Variants in SMYD3 observed in about 807,000 individuals in gnomAD.
SMYD3 encodes the protein SET and MYND domain containing 3.
SMYD3 carries 36 observed loss-of-function variants against 57.7 expected under a neutral mutation model. That is an observed-to-expected ratio of 0.62 (90% CI 0.48 to 0.82). The LOEUF is 0.82. Ranked by LOEUF, SMYD3 falls within the 40% of genes least tolerant of loss-of-function variation. The pLI is 0.00. For synonymous variants in SMYD3, 211 were observed against 195.0 expected, an observed-to-expected ratio of 1.08 and a Z score of -0.68; for missense variants, 515 against 538.8, an observed-to-expected ratio of 0.96 and a Z score of 0.44.
Position 246,267,008 on chromosome 1 carries a change from T to C in SMYD3, c.531+60193A>G, listed in dbSNP as rs1405902811. 2.6e-5 allele frequency among the ~76,000 whole-genome samples: 4 copies of C among 152,340 alleles called. No individual in the cohort carries two copies. The East Asian group carries it at 7.7e-4, about 29-fold the overall frequency. ...TTGAGGCAATTTTATTTATGGATAGTTATATCTAGTTTTATAAGCCTGGCA... is the reference window on the plus strand; with the variant it reads ...TTGAGGCAATTTTATTTATGGATAGCTATATCTAGTTTTATAAGCCTGGCA... On this transcript the variant is annotated intron_variant, in intron 5 of 11. Transcript: ENST00000490107.
chr1:246,367,825 C>G (rs906006664), intron 1 of SMYD3, among the ~76,000 whole-genome samples: 4 of 152,110 alleles, frequency 2.6e-5, no homozygotes, highest in Non-Finnish European at 5.9e-5. Flanking sequence ...TGAATATTAG[C>G]ATTGTACCAC....
intron 8 of SMYD3, among the ~76,000 whole-genome samples, chr1:245,901,595 CA>C (rs2054185316): frequency 6.6e-6 from 1 of 152,140 alleles, no homozygotes; most frequent in Admixed American, 6.5e-5. Flanking sequence ...GTTAAAGAAA[CA>C]GAGAGACATC....
intron 11 of SMYD3, among the ~76,000 whole-genome samples, chr1:245,756,982 T>C (rs2045633241): frequency 6.6e-6 from 1 of 152,116 alleles, no homozygotes; most frequent in Non-Finnish European, 1.5e-5. Context: ...TATGGTAAAG[T>C]ACACAAAACA....
At chr1:245,878,440 G>A (rs1468703063) in intron 8 of SMYD3, among the ~76,000 whole-genome samples, 4 of 152,170 alleles carry the variant, frequency 2.6e-5, no homozygotes, top group African/African-American at 4.8e-5. Flanking sequence ...GTGGGGACTC[G>A]GCTTTGGCAA....
At chr1:246,377,165 A>T (rs1005844014) in intron 1 of SMYD3, among the ~76,000 whole-genome samples, 24 of 107,118 alleles carry the variant, frequency 2.2e-4, no homozygotes, top group African/African-American at 7.1e-4. Flanking sequence ...ATATTTTAAT[A>T]AAAAATAACT....
chr1:246,041,566 A>G (rs536672408), intron 5 of SMYD3, among the ~76,000 whole-genome samples: 3 of 152,306 alleles, frequency 2.0e-5, no homozygotes, highest in East Asian at 1.9e-4. Flanking sequence ...CCAGGGCCCT[A>G]CGTCGTATGC....
chr1:246,036,148 A>T (rs1181981016), intron 5 of SMYD3, among the ~76,000 whole-genome samples: 1 of 152,214 alleles, frequency 6.6e-6, no homozygotes, highest in Non-Finnish European at 1.5e-5. Flanking sequence ...TGAAGAGGAG[A>T]CAGGGCTTCC....
chr1:246,386,628 A>T (rs2148761119), intron 1 of SMYD3, among the ~76,000 whole-genome samples: 1 of 141,938 alleles, frequency 7.0e-6, no homozygotes, highest in South Asian at 2.4e-4. Flanking sequence ...CACCTCTGTT[A>T]TCTTTTAATT....
intron 10 of SMYD3, among the ~76,000 whole-genome samples, chr1:245,828,468 A>C (rs1448131965): frequency 1.3e-5 from 2 of 152,158 alleles, no homozygotes; most frequent in African/African-American, 4.8e-5. Flanking sequence ...AGTTAATGAA[A>C]CACTTGAACA....
chr1:246,343,344 A>G (rs2065660853), intron 2 of SMYD3, among the ~76,000 whole-genome samples: 1 of 152,234 alleles, frequency 6.6e-6, no homozygotes, highest in African/African-American at 2.4e-5. Context: ...TATTTCCTCA[A>G]AACAAGTAAT....
At chr1:246,120,071 G>A (rs1327179960) in intron 5 of SMYD3, among the ~76,000 whole-genome samples, 1 of 152,136 alleles carries the variant, frequency 6.6e-6, no homozygotes, top group Non-Finnish European at 1.5e-5. Flanking sequence ...ATTGGACAAT[G>A]GGAATATGAT....
At chr1:246,507,001 C>G (rs547763618) in intron 1 of SMYD3, 53 bp downstream of exon 1, 6 of 1,159,268 alleles carry the variant, frequency 5.2e-6, no homozygotes, top group South Asian at 1.7e-5. Flanking sequence ...CCCCCCCTCC[C>G]CAGCACCCCA....
intron 5 of SMYD3, among the ~76,000 whole-genome samples, chr1:246,142,915 CT>C (rs1390087399): frequency 6.6e-6 from 1 of 152,090 alleles, no homozygotes; most frequent in Admixed American, 6.6e-5. Context: ...CCTTTGGCAG[CT>C]TCTTCATGGA....
chr1:246,067,611 C>A (rs985646829), intron 5 of SMYD3, among the ~76,000 whole-genome samples: 1 of 152,110 alleles, frequency 6.6e-6, no homozygotes, highest in South Asian at 2.1e-4. Flanking sequence ...AATGCCCCCC[C>A]ACAGCCCACA....
intron 5 of SMYD3, among the ~76,000 whole-genome samples, chr1:245,932,996 G>A (rs1243647302): frequency 6.6e-6 from 1 of 152,148 alleles, no homozygotes; most frequent in African/African-American, 2.4e-5. Flanking sequence ...CAACCTGACA[G>A]GAAATATTTT....
chr1:246,358,409 G>A (rs2065938026), intron 1 of SMYD3, among the ~76,000 whole-genome samples: 1 of 152,086 alleles, frequency 6.6e-6, no homozygotes, highest in Admixed American at 6.5e-5. Flanking sequence ...AGGTCATCAA[G>A]ACAGAAAGTC....
intron 5 of SMYD3, among the ~76,000 whole-genome samples, chr1:246,192,145 C>A (rs2062748746): frequency 6.6e-6 from 1 of 152,142 alleles, no homozygotes; most frequent in African/African-American, 2.4e-5. Flanking sequence ...GTCACCCAGG[C>A]TGGAGTGCAG....
chr1:245,832,907 AT>A (rs1196439792), intron 10 of SMYD3, among the ~76,000 whole-genome samples: 1 of 152,108 alleles, frequency 6.6e-6, no homozygotes, highest in Non-Finnish European at 1.5e-5. Flanking sequence ...CTCTTGACAG[AT>A]TCTTGGAGAT....
chr1:246,320,299 TA>T (rs1365857824), intron 5 of SMYD3, among the ~76,000 whole-genome samples: 1 of 152,120 alleles, frequency 6.6e-6, no homozygotes, highest in Non-Finnish European at 1.5e-5. Flanking sequence ...CTAATATAAT[TA>T]AAAATTAGAT....
Sources: gnomAD v4.1 joint callset for allele counts (sites outside exome capture counted in the v4.1 genomes callset) on GRCh38, gnomAD v4.1.1 for gene constraint, MANE v1.5 for transcripts, NCBI Gene and HGNC (gene_info 2026-07-23, HGNC 2026-07-21) for gene names.